Variants in NECAP1 observed in about 807,000 individuals in gnomAD.
The protein encoded by NECAP1 is NECAP endocytosis associated 1, also known as adaptin ear-binding coat-associated protein 1.
NECAP1 carries 13 observed loss-of-function variants against 33.4 expected under a neutral mutation model. The ratio of observed to expected loss-of-function variants is 0.39; its 90% confidence interval spans 0.25 to 0.62. The LOEUF is 0.62. Among genes scored for constraint, NECAP1 ranks in the 20% least tolerant of loss-of-function variants. The probability of loss-of-function intolerance (pLI) is 0.52; values close to 1 mark genes in which losing one functional copy is unlikely to be tolerated. For missense variants in NECAP1, 272 were observed against 347.4 expected (o/e 0.78, Z 1.73); for synonymous variants, 109 against 125.2 (o/e 0.87, Z 0.86).
At chr12:8,090,487 C>G (rs752736282) in intron 3 of NECAP1, 188 bp downstream of exon 3, 3 of 572,258 alleles carry the variant, frequency 5.2e-6, no homozygotes, top group Admixed American at 3.0e-5. Context: ...AGCACGAGTT[C>G]AAGATGTGGT....
chr12:8,082,504 CCT>C, intron 1 of NECAP1, 121 bp downstream of exon 1: 1 of 879,006 alleles, frequency 1.1e-6, no homozygotes, highest in Non-Finnish European at 1.8e-6. Flanking sequence ...TGCTAGCCTC[CCT>C]ACCTGGGTTG....
chr12:8,087,522 ATT>A (rs34100112), intron 1 of NECAP1, among the ~76,000 whole-genome samples: 31 of 137,248 alleles, frequency 2.3e-4, no homozygotes, highest in Non-Finnish European at 2.5e-4. Context: ...CTTGTTCCTA[ATT>A]TTTTTTTTTT....
intron 1 of NECAP1, among the ~76,000 whole-genome samples, chr12:8,082,611 ACT>A (rs752847549): frequency 6.7e-6 from 1 of 149,298 alleles, no homozygotes; most frequent in Non-Finnish European, 1.5e-5. Flanking sequence ...TTAAATTACC[ACT>A]CTGCGTTATT....
chr12:8,087,162 A>C (rs1947499319), intron 1 of NECAP1, among the ~76,000 whole-genome samples: 1 of 152,088 alleles, frequency 6.6e-6, no homozygotes, highest in African/African-American at 2.4e-5. Flanking sequence ...AGAGAAAGAG[A>C]GGTATGACAG....
At chr12:8,084,769 A>G (rs1048722591) in intron 1 of NECAP1, among the ~76,000 whole-genome samples, 2 of 152,218 alleles carry the variant, frequency 1.3e-5, no homozygotes, top group African/African-American at 4.8e-5. Context: ...TCTCCAGGCT[A>G]GACTGTGAAC....
At chr12:8,088,049 T>C (rs1947508008) in intron 1 of NECAP1, among the ~76,000 whole-genome samples, 1 of 152,234 alleles carries the variant, frequency 6.6e-6, no homozygotes, top group Non-Finnish European at 1.5e-5. Context: ...ACTTTGCTAA[T>C]CTGTTTTCCA....
intron 1 of NECAP1, among the ~76,000 whole-genome samples, chr12:8,084,935 T>C (rs1263714412): frequency 6.6e-6 from 1 of 152,014 alleles, no homozygotes; most frequent in Admixed American, 6.6e-5. Context: ...TTAAATAAGG[T>C]CAAATAGCTC....
In NECAP1 at chr12:8,092,974, C is replaced by T. The variant is rs1340615210; in HGVS notation, c.595C>T (p.Pro199Ser). Residue 199 changes from proline (P) to serine (S), a missense_variant, in exon 6 of 8, where the codon CCA becomes TCA. Transcript: ENST00000339754. ...GCCAGGAGGCAAAGTCACTATTCCC[C>T]CACCATCCTCCTCAGTTGCCATCAG... ...PPPGGKVTIP[P>S]PSSSVAISNH... 2 of 1,612,444 alleles carry T rather than the reference C, an allele frequency of 1.2e-6. No individual in the cohort carries two copies. Among genetic ancestry groups the T allele is most frequent in the Admixed American group, 3.3e-5 (2 of 59,716 alleles).
intron 6 of NECAP1, chr12:8,095,308 G>A (rs1947584693): frequency 4.8e-6 from 1 of 209,304 alleles, no homozygotes; most frequent in South Asian, 6.2e-5. Flanking sequence ...GACTGCAGTG[G>A]CGCAATCTCG....
rs896062798 is a variant in NECAP1 at position 8,097,305 on chromosome 12, G to A, written c.*1215G>A. 4 of 152,560 alleles carry A rather than the reference G, an allele frequency of 2.6e-5. No homozygotes were observed. The highest frequency in any genetic ancestry group is 5.9e-5 in the Non-Finnish European group (4 of 68,030). 9.5% of individuals were successfully genotyped at this position (152,560 alleles called of 1,614,324 possible). On this transcript the variant is annotated 3_prime_UTR_variant, in exon 8 of 8. Coordinates refer to ENST00000339754, the MANE Select transcript of NECAP1 (RefSeq NM_015509.4). Reference sequence around the variant, plus strand: ...AAAGTTCTGCTTCTTAGGTGAATGGGTACTTTCTATTTTGTTTCTAAACGA... The same window carrying A: ...AAAGTTCTGCTTCTTAGGTGAATGGATACTTTCTATTTTGTTTCTAAACGA...
At chr12:8,093,128 G>T in intron 6 of NECAP1, 73 bp downstream of exon 6, 1 of 1,465,994 alleles carries the variant, frequency 6.8e-7, no homozygotes, top group South Asian at 1.2e-5. Context: ...TTGTCAAGGA[G>T]AGTTAATGTT....
chr12:8,082,875 T>C (rs996017639), intron 1 of NECAP1: 10 of 154,046 alleles, frequency 6.5e-5, no homozygotes, highest in Non-Finnish European at 1.2e-4. Context: ...CTCTGGATTA[T>C]CTGATTTATT....
At chr12:8,087,917 T>C (rs1448149195) in intron 1 of NECAP1, among the ~76,000 whole-genome samples, 1 of 152,198 alleles carries the variant, frequency 6.6e-6, no homozygotes, top group Non-Finnish European at 1.5e-5. Context: ...ATTTTCCTCC[T>C]TTCAGCTTTT....
At chr12:8,095,423 T>G (rs893670562) in intron 6 of NECAP1, 178 bp from the exon 7 acceptor site, 5 of 390,092 alleles carry the variant, frequency 1.3e-5, no homozygotes, top group Non-Finnish European at 2.4e-5. Context: ...TAATTTTTTG[T>G]ATTTTTAGTA....
intron 1 of NECAP1, among the ~76,000 whole-genome samples, chr12:8,084,175 C>T (rs751101077): frequency 2.0e-4 from 30 of 152,092 alleles, no homozygotes; most frequent in Non-Finnish European, 2.6e-4. Context: ...GCGTTTTATT[C>T]ATCATGAATC....
At chr12:8,082,576 GTT>G (rs66928724) in intron 1 of NECAP1, among the ~76,000 whole-genome samples, 193 bp downstream of exon 1, 52 of 148,128 alleles carry the variant, frequency 3.5e-4, no homozygotes, top group African/African-American at 1.1e-3. Flanking sequence ...TATTTCTGCC[GTT>G]TTTTTTTTTG....
intron 6 of NECAP1, chr12:8,094,532 T>A (rs766848430): frequency 1.3e-5 from 2 of 152,302 alleles, no homozygotes; most frequent in Non-Finnish European, 2.9e-5. Context: ...AGTGGTGCAG[T>A]CATAGCTCAC....
intron 3 of NECAP1, chr12:8,090,941 A>T (rs1176621581): frequency 6.6e-6 from 1 of 152,510 alleles, no homozygotes; most frequent in African/African-American, 2.4e-5. Flanking sequence ...GTTGGCAAAC[A>T]GACAAATAAT....
intron 3 of NECAP1, 133 bp from the exon 4 acceptor site, chr12:8,091,636 C>A: frequency 1.4e-6 from 1 of 712,816 alleles, no homozygotes; most frequent in Non-Finnish European, 2.5e-6. Flanking sequence ...TACAATGAAG[C>A]TTTGCTCTCT....
Sources: allele counts gnomAD v4.1 joint callset (sites outside exome capture counted in the v4.1 genomes callset), GRCh38; gene constraint gnomAD v4.1.1; transcripts MANE v1.5; gene names NCBI Gene and HGNC (gene_info 2026-07-23, HGNC 2026-07-21).